ABTB3: variants seen among roughly 807,000 people sequenced by gnomAD.
ABTB3 encodes the protein ankyrin repeat and BTB domain containing 3.
At chr12:107,495,738 A>G in the ABTB3 span, among the ~76,000 whole-genome samples, 1 of 152,086 alleles carries the variant, frequency 6.6e-6, no homozygotes, top group African/African-American at 2.4e-5. Flanking sequence ...GCAGCTTCTC[A>G]TTGTGCCTAA....
the ABTB3 span, among the ~76,000 whole-genome samples, chr12:107,487,515 G>A: frequency 5.3e-5 from 8 of 152,112 alleles, no homozygotes; most frequent in Non-Finnish European, 1.2e-4. Context: ...GGGAAGGAAA[G>A]GACATTACCT....
the ABTB3 span, among the ~76,000 whole-genome samples, chr12:107,412,579 TAAGGGC>T: frequency 6.6e-6 from 1 of 152,038 alleles, no homozygotes; most frequent in African/African-American, 2.4e-5. Flanking sequence ...CCCCAAGAGA[TAAGGGC>T]TGTGCCAGGT....
chr12:107,353,951 T>C, the ABTB3 span, among the ~76,000 whole-genome samples: 1 of 152,198 alleles, frequency 6.6e-6, no homozygotes, highest in African/African-American at 2.4e-5. Context: ...GCCAAAAAGA[T>C]TGGAGATCAC....
the ABTB3 span, among the ~76,000 whole-genome samples, chr12:107,346,843 G>A: frequency 6.6e-6 from 1 of 152,188 alleles, no homozygotes; most frequent in East Asian, 1.9e-4. Flanking sequence ...GTCTCTGACT[G>A]CTTGCGGGTA....
chr12:107,528,800 CG>C, the ABTB3 span, among the ~76,000 whole-genome samples: 2 of 151,352 alleles, frequency 1.3e-5, no homozygotes, highest in Non-Finnish European at 2.9e-5. Flanking sequence ...GTGATGGTGA[CG>C]GTGATGGAGA....
At chr12:107,518,990 G>A in the ABTB3 span, among the ~76,000 whole-genome samples, 2 of 152,200 alleles carry the variant, frequency 1.3e-5, no homozygotes, top group African/African-American at 4.8e-5. Flanking sequence ...GATTATGTGT[G>A]TTCTCTCCCT....
chr12:107,480,122 G>A, the ABTB3 span, among the ~76,000 whole-genome samples: 6 of 152,314 alleles, frequency 3.9e-5, no homozygotes, highest in African/African-American at 1.4e-4. Context: ...AGTAGGATAG[G>A]GAAAGGCATT....
chr12:107,580,937 G>C, the ABTB3 span: 2 of 1,551,592 alleles, frequency 1.3e-6, no homozygotes, highest in Admixed American at 2.0e-5. Flanking sequence ...GGATTCCAGA[G>C]AGCCTGCCCC....
At chr12:107,447,934 G>A in the ABTB3 span, among the ~76,000 whole-genome samples, 3 of 152,194 alleles carry the variant, frequency 2.0e-5, no homozygotes, top group East Asian at 1.9e-4. Context: ...GAGCCCTTGC[G>A]GCTCAGGGTG....
At chr12:107,473,042 C>A in the ABTB3 span, among the ~76,000 whole-genome samples, 3 of 152,152 alleles carry the variant, frequency 2.0e-5, no homozygotes, top group Admixed American at 2.0e-4. Context: ...CAGGCGAGGC[C>A]ACAGTAAGCA....
the ABTB3 span, chr12:107,617,536 G>A: frequency 1.4e-6 from 2 of 1,471,692 alleles, no homozygotes; most frequent in Non-Finnish European, 1.8e-6. Flanking sequence ...TGGATGTGGG[G>A]CCCAGAGGCA....
At chr12:107,357,097 G>T in the ABTB3 span, among the ~76,000 whole-genome samples, 3 of 152,192 alleles carry the variant, frequency 2.0e-5, no homozygotes, top group Admixed American at 2.0e-4. Flanking sequence ...TTGTGCATTG[G>T]GTCATGTCTT....
At chr12:107,351,616 T>C in the ABTB3 span, among the ~76,000 whole-genome samples, 4 of 152,178 alleles carry the variant, frequency 2.6e-5, no homozygotes, top group African/African-American at 9.7e-5. Flanking sequence ...AGTGGGTTCC[T>C]GATAAAAGGT....
the ABTB3 span, among the ~76,000 whole-genome samples, chr12:107,337,958 A>G: frequency 6.6e-6 from 1 of 152,168 alleles, no homozygotes; most frequent in Non-Finnish European, 1.5e-5. Flanking sequence ...TTCATTCAGG[A>G]AATAGTTCAG....
the ABTB3 span, among the ~76,000 whole-genome samples, chr12:107,326,125 G>T: frequency 3.3e-5 from 5 of 152,096 alleles, no homozygotes; most frequent in Non-Finnish European, 2.9e-5. Flanking sequence ...GGCTGGTTTC[G>T]AACTTCTGAC....
At chr12:107,397,928 G>A in the ABTB3 span, among the ~76,000 whole-genome samples, 3 of 152,168 alleles carry the variant, frequency 2.0e-5, no homozygotes, top group African/African-American at 7.2e-5. Flanking sequence ...TGGTATTTAT[G>A]TGGGTCTTTT....
the ABTB3 span, among the ~76,000 whole-genome samples, chr12:107,619,532 A>AG: frequency 6.6e-6 from 1 of 152,186 alleles, no homozygotes; most frequent in Admixed American, 6.5e-5. Context: ...GATGTGTTCC[A>AG]GATCCTTGGG....
At chr12:107,501,053 C>T in the ABTB3 span, among the ~76,000 whole-genome samples, 1 of 152,152 alleles carries the variant, frequency 6.6e-6, no homozygotes, top group Non-Finnish European at 1.5e-5. Context: ...CTCTCTGTGC[C>T]TCAGTTTCAT....
At chr12:107,647,730 T>C in the ABTB3 span, among the ~76,000 whole-genome samples, 1 of 152,218 alleles carries the variant, frequency 6.6e-6, no homozygotes, top group Admixed American at 6.5e-5. Context: ...AGGCCCCTGC[T>C]AGGCCTGTTC....
Sources: gnomAD v4.1 joint callset for allele counts (sites outside exome capture counted in the v4.1 genomes callset) on GRCh38, gnomAD v4.1.1 for gene constraint, MANE v1.5 for transcripts, NCBI Gene and HGNC (gene_info 2026-07-23, HGNC 2026-07-21) for gene names.